Variants in DENND2A observed in about 807,000 individuals in gnomAD.
DENND2A encodes DENN domain-containing protein 2A.
Under a neutral mutation model 105.3 loss-of-function variants are expected in DENND2A, and 53 were observed. The observed-to-expected ratio is 0.50, with a 90% confidence interval of 0.40 to 0.63. DENND2A has a LOEUF of 0.63. DENND2A is among the 30% of genes least tolerant of loss of function. The probability of loss-of-function intolerance (pLI) is 0.00; values close to 1 mark genes in which losing one functional copy is unlikely to be tolerated. For missense variants in DENND2A, 1,138 were observed against 1,279.6 expected, an observed-to-expected ratio of 0.89 and a Z score of 1.69; for synonymous variants, 522 against 508.4, an observed-to-expected ratio of 1.03 and a Z score of -0.36.
rs767442888 is a variant in DENND2A at position 140,559,755 on chromosome 7, G to A, written c.1842C>T (p.Phe614=). ...AEDQLKAIPQ[F]CFPDAKDWVP... ...CCCAATCCTTGGCATCGGGAAAACA[G>A]AACTGGGGAATGGCCTTCAGTTGGT... Residue 614 remains phenylalanine (F), a synonymous_variant, in exon 10 of 20, where the codon TTC becomes TTT. Transcript: ENST00000496613. This position sits in a 1 kb window ranked among gnomAD's most constrained non-coding sequence, Gnocchi z 4.1. 5.0e-6 allele frequency: 8 copies of A among 1,614,200 alleles called. No homozygotes were observed. The South Asian group carries it at 7.7e-5, about 16-fold the overall frequency.
At chr7:140,635,446 T>A (rs923603361) in intron 1 of DENND2A, among the ~76,000 whole-genome samples, 1 of 152,146 alleles carries the variant, frequency 6.6e-6, no homozygotes, top group African/African-American at 2.4e-5. Context: ...GCCCTTCAGA[T>A]AAGATCCGCA....
chr7:140,555,719 C>T lies in DENND2A; in HGVS notation c.1960-6G>A, dbSNP rs1459230499. 15 of 1,594,432 alleles carry T rather than the reference C, an allele frequency of 9.4e-6. No homozygotes were observed. Among genetic ancestry groups the T allele is most frequent in the Non-Finnish European group, 1.2e-5 (14 of 1,174,720 alleles). On this transcript the variant is annotated splice_polypyrimidine_tract_variant and splice_region_variant and intron_variant, in intron 11 of 19. Transcript: ENST00000496613. ...CGCTTCCCTTTGCCTCCAGGCTTTT[C>T]GGAGAGAAACACAAGGGAATTATGA...
chr7:140,556,153 G>T (rs1381240198), intron 11 of DENND2A, among the ~76,000 whole-genome samples: 1 of 151,992 alleles, frequency 6.6e-6, no homozygotes, highest in Non-Finnish European at 1.5e-5. Flanking sequence ...AAGTAGCTGG[G>T]ATTACAGGCT....
chr7:140,557,821 A>C (rs1797440686), intron 11 of DENND2A, among the ~76,000 whole-genome samples: 4 of 151,202 alleles, frequency 2.6e-5, no homozygotes, highest in African/African-American at 9.7e-5. Flanking sequence ...TACAGGCGTG[A>C]GCCACCGCGC....
intron 5 of DENND2A, among the ~76,000 whole-genome samples, chr7:140,579,470 G>A (rs1009729922): frequency 6.7e-6 from 1 of 150,306 alleles, no homozygotes. Context: ...TCAGCTCACT[G>A]CAACCTCCGC....
intron 11 of DENND2A, among the ~76,000 whole-genome samples, chr7:140,557,277 T>C (rs1040522071): frequency 2.0e-5 from 3 of 151,328 alleles, no homozygotes; most frequent in Non-Finnish European, 4.4e-5. Context: ...TGGTGGTACA[T>C]GCCTGTGGTC....
intron 12 of DENND2A, among the ~76,000 whole-genome samples, chr7:140,550,138 GTTA>G (rs1797066299): frequency 1.2e-4 from 1 of 8,356 alleles, no homozygotes. Context: ...TAGGGGTGGG[GTTA>G]GGGGTGGGGT....
chr7:140,639,264 A>C (rs1232418695), intron 1 of DENND2A, among the ~76,000 whole-genome samples: 1 of 149,716 alleles, frequency 6.7e-6, no homozygotes, highest in Non-Finnish European at 1.5e-5. Flanking sequence ...AGACAGGAGA[A>C]TTGCTTGAAC....
At chr7:140,615,052 G>A (rs1011383275) in intron 1 of DENND2A, among the ~76,000 whole-genome samples, 1 of 151,766 alleles carries the variant, frequency 6.6e-6, no homozygotes, top group Non-Finnish European at 1.5e-5. Flanking sequence ...TTTTTTGTCG[G>A]GACAGTGTTT....
intron 12 of DENND2A, among the ~76,000 whole-genome samples, chr7:140,554,044 G>A (rs1191396887): frequency 3.3e-5 from 5 of 152,034 alleles, no homozygotes; most frequent in Non-Finnish European, 7.4e-5. Context: ...TGGCCAACAT[G>A]GTGAAACCCC....
intron 14 of DENND2A, chr7:140,544,317 C>A (rs1796803179): frequency 2.1e-6 from 1 of 487,642 alleles, no homozygotes; most frequent in Non-Finnish European, 3.7e-6. Flanking sequence ...GCCTCAGCCT[C>A]CCAAGTAGCT....
chr7:140,613,049 G>A (rs1471154339), intron 1 of DENND2A, among the ~76,000 whole-genome samples: 2 of 151,794 alleles, frequency 1.3e-5, no homozygotes, highest in Admixed American at 6.6e-5. Flanking sequence ...GGGAGGCGGA[G>A]GTTGCAGTGA....
chr7:140,627,053 T>A (rs1388851435), intron 1 of DENND2A, among the ~76,000 whole-genome samples: 1 of 152,160 alleles, frequency 6.6e-6, no homozygotes, highest in African/African-American at 2.4e-5. Context: ...AAGGATTAGA[T>A]GAAATTGCAC....
At chr7:140,570,540 C>G (rs934818187) in intron 6 of DENND2A, among the ~76,000 whole-genome samples, 3 of 152,232 alleles carry the variant, frequency 2.0e-5, no homozygotes, top group Non-Finnish European at 2.9e-5. Context: ...CGAGCCCTAG[C>G]TTGGGACTAC....
At chr7:140,625,375 T>G (rs1800481053) in intron 1 of DENND2A, among the ~76,000 whole-genome samples, 1 of 149,192 alleles carries the variant, frequency 6.7e-6, no homozygotes, top group Non-Finnish European at 1.5e-5. Context: ...ATACTCCGTT[T>G]CAAGAAAGAA....
upstream of DENND2A, among the ~76,000 whole-genome samples, chr7:140,641,245 G>T (rs1000133761): frequency 1.3e-5 from 2 of 152,094 alleles, no homozygotes; most frequent in Non-Finnish European, 2.9e-5. Context: ...TCGGGCCGGG[G>T]TAATGACAGT....
At position 140,628,024 on chromosome 7, in the gene DENND2A, A is replaced by T. The variant is rs533116390; in HGVS notation, c.-248+12480T>A. Among the ~76,000 whole-genome samples the T allele has an allele frequency of 2.6e-5, 4 of 152,116 alleles. No homozygotes were observed. In the South Asian group the frequency reaches 8.3e-4, roughly 32 times the overall value. On this transcript the variant is annotated intron_variant, in intron 1 of 19. Coordinates refer to ENST00000496613, the MANE Select transcript of DENND2A (RefSeq NM_015689.5). ...CCAGGCTTGTCTCGAACTTGACCTC[A>T]AGTGATCTGACAGCTTCGGCCTCCC...
chr7:140,585,710 T>G lies in DENND2A; in HGVS notation c.1124A>C (p.Asp375Ala). ...ATAAGGGTTCTCCTTCATTGGCGGA[T>G]CTGTGTTCAAAGGCAATGTGTCAGG... ...SEENVYEDIL[D>A]PPMKENPYED... Residue 375 changes from aspartate (D) to alanine (A), a missense_variant and splice_region_variant, in exon 5 of 20, where the codon GAT becomes GCT. Physicochemically the swap from Asp to Ala is moderately radical, Grantham distance 126. This residue lies in a region of DENND2A where 511 missense variants were observed against 499.9 expected (regional missense o/e 1.02). Transcript: ENST00000496613. 6.2e-7 allele frequency: 1 copy of G among 1,614,172 alleles called. No homozygotes were observed. The highest frequency in any genetic ancestry group is 8.5e-7 in the Non-Finnish European group (1 of 1,180,020).
chr7:140,536,532 G>T (rs1796462038), intron 14 of DENND2A, among the ~76,000 whole-genome samples: 1 of 152,182 alleles, frequency 6.6e-6, no homozygotes, highest in South Asian at 2.1e-4. Flanking sequence ...GATGGGTCTG[G>T]ATTAGAAGAC....
Sources: gnomAD v4.1 joint callset for allele counts (sites outside exome capture counted in the v4.1 genomes callset) on GRCh38, gnomAD v4.1.1 for gene constraint, gnomAD v4.1.1 regional missense constraint, Gnocchi (gnomAD v3.1) non-coding constraint, MANE v1.5 for transcripts, NCBI Gene and HGNC (gene_info 2026-07-23, HGNC 2026-07-21) for gene names.